FBXO40: variants seen among roughly 807,000 people sequenced by gnomAD.
FBXO40 encodes F-box protein 40.
A neutral mutation model predicts 49.9 loss-of-function variants in FBXO40; 50 were observed. That is an observed-to-expected ratio of 1.00 (90% confidence interval 0.80 to 1.27). The LOEUF is 1.27. FBXO40 is among the 50% of genes most tolerant of loss of function. The pLI is 0.00. For synonymous variants in FBXO40, 340 were observed against 320.2 expected, an observed-to-expected ratio of 1.06 and a Z score of -0.66; for missense variants, 895 against 870.1, an observed-to-expected ratio of 1.03 and a Z score of -0.36.
intron 1 of FBXO40, among the ~76,000 whole-genome samples, chr3:121,596,337 A>G (rs193033774): frequency 6.6e-6 from 1 of 152,352 alleles, no homozygotes; most frequent in East Asian, 1.9e-4. Context: ...CTAGAGCCAG[A>G]GACTCTGGGA....
At chr3:121,624,915 T>C (rs1388754475) in intron 3 of FBXO40, among the ~76,000 whole-genome samples, 1 of 152,088 alleles carries the variant, frequency 6.6e-6, no homozygotes, top group African/African-American at 2.4e-5. Context: ...GGTCTGAGAG[T>C]GCCGCCTGTT....
chr3:121,621,819 C>T lies in FBXO40; in HGVS notation c.390C>T (p.Ala130=). Residue 130 remains alanine, a synonymous_variant, in exon 3 of 4, where the codon GCC becomes GCT. Coordinates refer to ENST00000338040, the MANE Select transcript of FBXO40 (RefSeq NM_016298.4). ...PSEECLDTAL[A]LQDQKVLFRS... ...AGGAGTGTTTGGACACAGCCCTGGC[C>T]CTGCAGGATCAGAAGGTCCTCTTCA... 1 of 1,614,150 alleles carries T rather than the reference C, an allele frequency of 6.2e-7. No homozygotes were observed. The highest frequency in any genetic ancestry group is 1.3e-5 in the African/African-American group (1 of 75,036).
At chr3:121,615,430 C>A (rs2048992026) in intron 1 of FBXO40, among the ~76,000 whole-genome samples, 1 of 150,916 alleles carries the variant, frequency 6.6e-6, no homozygotes, top group Non-Finnish European at 1.5e-5. Flanking sequence ...GTGGTGCGCG[C>A]CTTTAATCCC....
chr3:121,621,360 ACAGT>A (rs1440378973), intron 2 of FBXO40, 69 bp from the exon 3 acceptor site: 11 of 1,328,016 alleles, frequency 8.3e-6, no homozygotes, highest in Middle Eastern at 2.3e-4. Flanking sequence ...CAATTAAAAC[ACAGT>A]CATAGACATG....
rs771291674 is a variant in FBXO40 at position 121,621,659 on chromosome 3, C to T, written c.230C>T (p.Ser77Phe). The part of the protein sequence containing the change: ...NSEYGCPLSM[S>F]RHKLAKHLQV... ...GAATATGGCTGCCCTCTGTCCATGT[C>T]CCGCCACAAACTGGCCAAGCACCTG... is the stretch of plus-strand genomic sequence containing the variant. The change falls in exon 3 of 4, where the codon TCC (serine) becomes TTC (phenylalanine). Residue 77 changes from serine (S) to phenylalanine (F), a missense_variant. By Grantham distance (155) the Ser-to-Phe change is radical. Coordinates refer to ENST00000338040, the MANE Select transcript of FBXO40 (RefSeq NM_016298.4). The T allele has an allele frequency of 1.2e-6, 2 of 1,614,228 alleles. No individual in the cohort carries two copies. Among genetic ancestry groups the T allele is most frequent in the Admixed American group, 3.3e-5 (2 of 60,030 alleles).
intron 1 of FBXO40, among the ~76,000 whole-genome samples, chr3:121,593,883 T>A (rs1266312154): frequency 2.0e-5 from 3 of 152,148 alleles, no homozygotes; most frequent in Non-Finnish European, 4.4e-5. Flanking sequence ...TTCTTTCTTT[T>A]TTGAGACAGT....
intron 1 of FBXO40, among the ~76,000 whole-genome samples, chr3:121,598,704 T>C (rs1047206772): frequency 6.6e-6 from 1 of 152,158 alleles, no homozygotes; most frequent in African/African-American, 2.4e-5. Flanking sequence ...GGGCAGAATT[T>C]GCCCACTCCT....
At position 121,627,122 on chromosome 3, in the gene FBXO40, G is replaced by T; in HGVS notation, c.*212G>T. ...TACCATAGTGCCACATTGATGACTTGTTTCCTTTTTTCTTTTCTTTTCTTT... is the reference window on the plus strand; with the variant it reads ...TACCATAGTGCCACATTGATGACTTTTTTCCTTTTTTCTTTTCTTTTCTTT... On this transcript the variant is annotated 3_prime_UTR_variant, in exon 4 of 4. Coordinates refer to ENST00000338040, the MANE Select transcript of FBXO40 (RefSeq NM_016298.4). The T allele has an allele frequency of 1.5e-4, 79 of 515,170 alleles. No individual in the cohort carries two copies. Among genetic ancestry groups the T allele is most frequent in the Middle Eastern group, 1.0e-3 (2 of 1,988 alleles). 31.9% of individuals were successfully genotyped at this position (515,170 alleles called of 1,614,324 possible).
At chr3:121,613,366 G>T (rs1218882305) in intron 1 of FBXO40, among the ~76,000 whole-genome samples, 2 of 152,108 alleles carry the variant, frequency 1.3e-5, no homozygotes, top group Non-Finnish European at 2.9e-5. Flanking sequence ...ACCCATGGTC[G>T]CCTGAGGCAA....
chr3:121,605,401 A>G (rs1005029170), intron 1 of FBXO40, among the ~76,000 whole-genome samples: 3 of 152,180 alleles, frequency 2.0e-5, no homozygotes, highest in South Asian at 2.1e-4. Flanking sequence ...GTTGCGACCA[A>G]TCGGTAGCAG....
intron 1 of FBXO40, among the ~76,000 whole-genome samples, chr3:121,597,970 C>A (rs1284430566): frequency 1.3e-5 from 2 of 152,054 alleles, no homozygotes; most frequent in African/African-American, 2.4e-5. Context: ...GCTTATAAGT[C>A]CTACTTTTGA....
At chr3:121,611,784 G>A (rs199964214) in intron 1 of FBXO40, among the ~76,000 whole-genome samples, 4 of 152,242 alleles carry the variant, frequency 2.6e-5, no homozygotes, top group African/African-American at 4.8e-5. Flanking sequence ...AGGTCCCTGC[G>A]GCTTTCCGCA....
intron 1 of FBXO40, among the ~76,000 whole-genome samples, chr3:121,598,167 C>T (rs983240794): frequency 3.9e-5 from 6 of 152,050 alleles, no homozygotes; most frequent in African/African-American, 4.8e-5. Flanking sequence ...GGAGAATTCT[C>T]GTAGAAAGAG....
chr3:121,604,360 C>G (rs573991056), intron 1 of FBXO40, among the ~76,000 whole-genome samples: 1 of 152,172 alleles, frequency 6.6e-6, no homozygotes, highest in African/African-American at 2.4e-5. Context: ...TATATGAGTA[C>G]CATACATTGT....
chr3:121,622,791 A>G lies in FBXO40; in HGVS notation c.1362A>G (p.Gly454=), dbSNP rs1255669146. The G allele has an allele frequency of 6.2e-7, 1 of 1,613,946 alleles. No homozygotes were observed. Among genetic ancestry groups the G allele is most frequent in the Non-Finnish European group, 8.5e-7 (1 of 1,179,942 alleles). The change falls in exon 3 of 4, where the codon GGA becomes GGG. Residue 454 remains glycine, a synonymous_variant. Coordinates refer to ENST00000338040, the MANE Select transcript of FBXO40 (RefSeq NM_016298.4). ...LADLTAATPG[G]LHVELHSECV... ...ACCTAACCGCTGCCACCCCAGGGGG[A>G]CTCCACGTGGAGCTCCACAGCGAGT...
intron 1 of FBXO40, among the ~76,000 whole-genome samples, chr3:121,613,635 T>C (rs540960148): frequency 2.3e-4 from 35 of 152,238 alleles, no homozygotes; most frequent in Non-Finnish European, 2.5e-4. Context: ...AGAGGCTTTT[T>C]TCTTAAAGGG....
chr3:121,622,203 A>T lies in FBXO40; in HGVS notation c.774A>T (p.Val258=). Residue 258 remains valine (V), a synonymous_variant, in exon 3 of 4, where the codon GTA becomes GTT. Transcript: ENST00000338040. Reference sequence around the variant, plus strand: ...AGATTTCCAGTGGCCATAACATGGTAGAAGGAGAGGGCGCTCCCAAAAAGA... The same window carrying T: ...AGATTTCCAGTGGCCATAACATGGTTGAAGGAGAGGGCGCTCCCAAAAAGA... The part of the protein sequence containing the change: ...KEQISSGHNM[V]EGEGAPKKKE... The T allele has an allele frequency of 6.2e-7, 1 of 1,614,052 alleles. No homozygotes were observed. The highest frequency in any genetic ancestry group is 8.5e-7 in the Non-Finnish European group (1 of 1,179,986).
intron 1 of FBXO40, among the ~76,000 whole-genome samples, chr3:121,606,075 A>G (rs2048930583): frequency 6.6e-6 from 1 of 152,246 alleles, no homozygotes; most frequent in Non-Finnish European, 1.5e-5. Flanking sequence ...GCTTACCCAG[A>G]GCTGGGACAG....
chr3:121,623,077 G>T lies in FBXO40; in HGVS notation c.1648G>T (p.Ala550Ser), dbSNP rs762015433. 6.2e-7 allele frequency: 1 copy of T among 1,614,244 alleles called. No homozygotes were observed. Residue 550 changes from alanine to serine, a missense_variant, in exon 3 of 4, where the codon GCT becomes TCT. Coordinates refer to ENST00000338040, the MANE Select transcript of FBXO40 (RefSeq NM_016298.4). ...LKTFAIKPEV[A>S]PELSEGRKNN... ...GACCTTTGCCATTAAGCCGGAGGTT[G>T]CTCCAGAGCTGAGCGAGGGAAGGAA... is the stretch of plus-strand genomic sequence containing the variant.
Sources: allele counts gnomAD v4.1 joint callset (sites outside exome capture counted in the v4.1 genomes callset), GRCh38; gene constraint gnomAD v4.1.1; transcripts MANE v1.5; gene names NCBI Gene and HGNC (gene_info 2026-07-23, HGNC 2026-07-21).